CTNNBL1: variants seen among roughly 807,000 people sequenced by gnomAD.
The protein encoded by CTNNBL1 is catenin beta like 1.
In CTNNBL1, 31 loss-of-function variants were observed where a neutral mutation model predicts 72.7. The observed-to-expected ratio is 0.43, with a 90% CI of 0.32 to 0.58. CTNNBL1 has a LOEUF of 0.58. Among genes scored for constraint, CTNNBL1 ranks in the 20% least tolerant of loss-of-function variants. The pLI is 0.08. For missense variants in CTNNBL1, 534 were observed against 725.1 expected, an observed-to-expected ratio of 0.74 and a Z score of 3.03; for synonymous variants, 240 against 267.3, an observed-to-expected ratio of 0.90 and a Z score of 1.00.
chr20:37,845,601 C>T (rs1023756958), intron 13 of CTNNBL1, among the ~76,000 whole-genome samples: 2 of 152,202 alleles, frequency 1.3e-5, no homozygotes, highest in African/African-American at 4.8e-5. Context: ...AGCACTCAGG[C>T]GCCATCCTAG....
chr20:37,724,770 G>T, intron 1 of CTNNBL1, among the ~76,000 whole-genome samples: 1 of 151,986 alleles, frequency 6.6e-6, no homozygotes, highest in South Asian at 2.1e-4. Flanking sequence ...CTCTTTATTT[G>T]TCAATGTGGA....
chr20:37,766,568 C>A (rs1039383820), intron 6 of CTNNBL1, among the ~76,000 whole-genome samples: 1 of 152,196 alleles, frequency 6.6e-6, no homozygotes, highest in East Asian at 1.9e-4. Context: ...GAGGAAGAGC[C>A]TCCAAATTGC....
At chr20:37,849,453 C>G (rs1157506346) in intron 13 of CTNNBL1, among the ~76,000 whole-genome samples, 1 of 152,228 alleles carries the variant, frequency 6.6e-6, no homozygotes, top group African/African-American at 2.4e-5. Context: ...CTCACGCTTC[C>G]TGACCTTGTG....
At chr20:37,774,248 G>A (rs1320331489) in intron 7 of CTNNBL1, among the ~76,000 whole-genome samples, 1 of 152,062 alleles carries the variant, frequency 6.6e-6, no homozygotes, top group Non-Finnish European at 1.5e-5. Flanking sequence ...AAACAGCCCT[G>A]CCAAGAGGGT....
chr20:37,762,386 TC>T (rs1455806605), intron 5 of CTNNBL1, among the ~76,000 whole-genome samples: 1 of 152,208 alleles, frequency 6.6e-6, no homozygotes, highest in Non-Finnish European at 1.5e-5. Context: ...CTCTCATCTG[TC>T]TCTTTTTTAT....
chr20:37,801,009 C>T (rs1489566219), intron 10 of CTNNBL1, among the ~76,000 whole-genome samples: 1 of 152,230 alleles, frequency 6.6e-6, no homozygotes, highest in Non-Finnish European at 1.5e-5. Context: ...TCTAAGAGAT[C>T]CACGCCAGTC....
At chr20:37,769,721 G>T (rs763297243) in intron 7 of CTNNBL1, among the ~76,000 whole-genome samples, 1 of 152,180 alleles carries the variant, frequency 6.6e-6, no homozygotes, top group African/African-American at 2.4e-5. Flanking sequence ...CCTCAGGCAG[G>T]CAAGGATCCT....
chr20:37,709,637 G>A (rs771988666), intron 1 of CTNNBL1, among the ~76,000 whole-genome samples: 5 of 152,162 alleles, frequency 3.3e-5, no homozygotes, highest in Admixed American at 2.6e-4. Flanking sequence ...GCTGAAACAC[G>A]TAATGGGGGC....
At chr20:37,792,215 A>T (rs995236719) in intron 10 of CTNNBL1, among the ~76,000 whole-genome samples, 6 of 152,132 alleles carry the variant, frequency 3.9e-5, no homozygotes, top group Non-Finnish European at 7.4e-5. Flanking sequence ...CTAGAGGCTT[A>T]TCAGTTTTAT....
At chr20:37,838,045 G>A (rs62208439) in intron 11 of CTNNBL1, among the ~76,000 whole-genome samples, 4 of 152,216 alleles carry the variant, frequency 2.6e-5, no homozygotes, top group African/African-American at 4.8e-5. Flanking sequence ...GGAAAGCCTC[G>A]CTGAGAGGAT....
intron 7 of CTNNBL1, among the ~76,000 whole-genome samples, chr20:37,771,323 TC>T (rs2073521487): frequency 6.6e-6 from 1 of 152,232 alleles, no homozygotes. Flanking sequence ...CACATGTGAT[TC>T]TAATGTACAA....
chr20:37,706,944 A>T (rs970774644), intron 1 of CTNNBL1, among the ~76,000 whole-genome samples: 2 of 152,210 alleles, frequency 1.3e-5, no homozygotes, highest in African/African-American at 4.8e-5. Context: ...CTCCTTGTAC[A>T]TCTCCATCAG....
At chr20:37,746,226 C>G (rs1036843499) in intron 3 of CTNNBL1, among the ~76,000 whole-genome samples, 1 of 152,142 alleles carries the variant, frequency 6.6e-6, no homozygotes, top group Admixed American at 6.5e-5. Context: ...TGAAAGGCAG[C>G]TTGTGACTGC....
intron 1 of CTNNBL1, among the ~76,000 whole-genome samples, chr20:37,700,704 C>A (rs1406700364): frequency 2.0e-5 from 3 of 152,154 alleles, no homozygotes; most frequent in Non-Finnish European, 4.4e-5. Flanking sequence ...ATATGAACTC[C>A]AGGGCACTCT....
In CTNNBL1 at chr20:37,757,546, T is replaced by A. The variant is rs763745927; in HGVS notation, c.467-13T>A. 1.4e-5 allele frequency: 22 copies of A among 1,599,686 alleles called. No homozygotes were observed. Among genetic ancestry groups the A allele is most frequent in the African/African-American group, 2.7e-5 (2 of 74,654 alleles). Reference sequence around the variant, plus strand: ...CGTTTCAGTATGTGTGTTATACCCTTAACATTTTTCACATGTGTCCATAGC... The same window carrying A: ...CGTTTCAGTATGTGTGTTATACCCTAAACATTTTTCACATGTGTCCATAGC... On this transcript the variant is annotated splice_polypyrimidine_tract_variant and intron_variant, in intron 4 of 15. Transcript: ENST00000361383.
intron 15 of CTNNBL1, among the ~76,000 whole-genome samples, chr20:37,870,335 C>T (rs1049385283): frequency 5.9e-5 from 9 of 152,136 alleles, no homozygotes; most frequent in African/African-American, 1.9e-4. Context: ...CTCCCTTCCC[C>T]GAATACACCC....
intron 3 of CTNNBL1, among the ~76,000 whole-genome samples, chr20:37,742,618 C>T (rs1454375560): frequency 6.6e-6 from 1 of 152,104 alleles, no homozygotes; most frequent in Non-Finnish European, 1.5e-5. Context: ...CTGTCAGGAA[C>T]TTTTGAATTG....
chr20:37,706,867 A>G (rs536679342), intron 1 of CTNNBL1, among the ~76,000 whole-genome samples: 2 of 152,374 alleles, frequency 1.3e-5, no homozygotes, highest in African/African-American at 4.8e-5. Flanking sequence ...TTGAAAGTTG[A>G]AATTACTCTT....
At chr20:37,787,473 T>G (rs2122707674) in intron 10 of CTNNBL1, among the ~76,000 whole-genome samples, 1 of 150,886 alleles carries the variant, frequency 6.6e-6, no homozygotes, top group South Asian at 2.1e-4. Context: ...GCCTCCCAAG[T>G]AGCTGGGACT....
Sources: allele counts gnomAD v4.1 joint callset (sites outside exome capture counted in the v4.1 genomes callset), GRCh38; gene constraint gnomAD v4.1.1; transcripts MANE v1.5; gene names NCBI Gene and HGNC (gene_info 2026-07-23, HGNC 2026-07-21).